Variants in SFSWAP observed in about 807,000 individuals in gnomAD.
SFSWAP encodes the protein splicing factor, suppressor of white-apricot homolog.
A neutral mutation model predicts 100.7 loss-of-function variants in SFSWAP; 17 were observed. The observed-to-expected ratio is 0.17, with a 90% CI of 0.12 to 0.25. The LOEUF (loss-of-function observed/expected upper bound fraction) is 0.25. Among genes scored for constraint, SFSWAP ranks in the 10% least tolerant of loss-of-function variants. SFSWAP has a pLI of 1.00. For synonymous variants in SFSWAP, 504 were observed against 510.1 expected (o/e 0.99, Z 0.16); for missense variants, 1,005 against 1,262.6 (o/e 0.80, Z 3.09).
rs553507544 is a variant in SFSWAP at position 131,733,432 on chromosome 12, C to A, written c.1081+5004C>A. On this transcript the variant is annotated intron_variant, in intron 7 of 17. Coordinates refer to ENST00000261674, the MANE Select transcript of SFSWAP (RefSeq NM_004592.4). The surrounding 1 kb of genome is among the most constrained non-coding windows in gnomAD (Gnocchi z 5.1). ...CATTTGTAGGAGGAAATTTCACGAT[C>A]ATAAAGCACGGCATGCATCCTGAGA... is the stretch of plus-strand genomic sequence containing the variant. 1.4e-4 allele frequency among the ~76,000 whole-genome samples: 22 copies of A among 152,278 alleles called. No individual in the cohort carries two copies. The highest frequency in any genetic ancestry group is 2.9e-4 in the Non-Finnish European group (20 of 68,028).
intron 7 of SFSWAP, among the ~76,000 whole-genome samples, chr12:131,732,641 G>A (rs769957692): frequency 5.3e-5 from 8 of 152,202 alleles, no homozygotes; most frequent in Non-Finnish European, 7.3e-5. Context: ...GTGTGTTCAC[G>A]GAAGTGTTGT....
At chr12:131,732,958 T>C (rs1032323092) in intron 7 of SFSWAP, among the ~76,000 whole-genome samples, 1 of 152,212 alleles carries the variant, frequency 6.6e-6, no homozygotes, top group Non-Finnish European at 1.5e-5. Flanking sequence ...GCGGGGCTAG[T>C]GTCCTTGGAG....
chr12:131,769,533 C>T (rs1024955041), intron 13 of SFSWAP, among the ~76,000 whole-genome samples: 1 of 152,178 alleles, frequency 6.6e-6, no homozygotes, highest in African/African-American at 2.4e-5. Context: ...GCTGTAGTTC[C>T]GCATCACAGC....
intron 9 of SFSWAP, among the ~76,000 whole-genome samples, chr12:131,754,836 TTG>T (rs995504073): frequency 2.6e-5 from 4 of 152,004 alleles, no homozygotes; most frequent in Non-Finnish European, 5.9e-5. Context: ...TTTCACTGTG[TTG>T]GCCAGGCTGG....
Position 131,725,078 on chromosome 12 carries a change from A to G in SFSWAP, c.607-327A>G, listed in dbSNP as rs1878830721. On this transcript the variant is annotated intron_variant, in intron 4 of 17. Coordinates refer to ENST00000261674, the MANE Select transcript of SFSWAP (RefSeq NM_004592.4). This position sits in a 1 kb window ranked among gnomAD's most constrained non-coding sequence, Gnocchi z 4.3. Reference sequence around the variant, plus strand: ...GTGCTTGTTTGTAAAATTCACATGCACAGAGGATTCACAAACCCCCTGAAT... The same window carrying G: ...GTGCTTGTTTGTAAAATTCACATGCGCAGAGGATTCACAAACCCCCTGAAT... 6.6e-6 allele frequency among the ~76,000 whole-genome samples: 1 copy of G among 152,232 alleles called. No homozygotes were observed. Among genetic ancestry groups the G allele is most frequent in the Non-Finnish European group, 1.5e-5 (1 of 68,044 alleles).
intron 15 of SFSWAP, chr12:131,796,877 G>A (rs1885715202): frequency 3.4e-6 from 1 of 292,930 alleles, no homozygotes; most frequent in Non-Finnish European, 6.3e-6. Context: ...AACATAAGTG[G>A]CAAAGCACTA....
At chr12:131,726,270 C>T (rs1052420849) in intron 5 of SFSWAP, among the ~76,000 whole-genome samples, 5 of 152,062 alleles carry the variant, frequency 3.3e-5, no homozygotes, top group East Asian at 1.9e-4. Flanking sequence ...ATGGCGTGAG[C>T]GCGATCTTGG....
chr12:131,726,862 T>G, intron 5 of SFSWAP, 78 bp from the exon 6 acceptor site: 1 of 904,534 alleles, frequency 1.1e-6, no homozygotes, highest in South Asian at 1.4e-5. Flanking sequence ...ACTTGGCTGC[T>G]TCTAAGTTTT....
chr12:131,751,604 C>T (rs113574076), intron 7 of SFSWAP, among the ~76,000 whole-genome samples: 1 of 152,278 alleles, frequency 6.6e-6, no homozygotes, highest in Admixed American at 6.5e-5. Flanking sequence ...GCAGCTCCCC[C>T]CTTCCAGGGA....
At chr12:131,760,915 T>C (rs1882617262) in intron 11 of SFSWAP, among the ~76,000 whole-genome samples, 1 of 151,990 alleles carries the variant, frequency 6.6e-6, no homozygotes, top group Non-Finnish European at 1.5e-5. Flanking sequence ...CTACTAAAAA[T>C]CCAAAAATCA....
chr12:131,765,505 G>A (rs895107324), intron 12 of SFSWAP, among the ~76,000 whole-genome samples: 6 of 152,150 alleles, frequency 3.9e-5, no homozygotes, highest in Admixed American at 6.5e-5. Flanking sequence ...AAAATTAGCC[G>A]GGCGTGGTGG....
intron 7 of SFSWAP, among the ~76,000 whole-genome samples, chr12:131,743,793 G>T (rs974262362): frequency 6.6e-6 from 1 of 152,248 alleles, no homozygotes; most frequent in Non-Finnish European, 1.5e-5. Context: ...TTCTCGATGA[G>T]GGCCCTGCCC....
intron 13 of SFSWAP, among the ~76,000 whole-genome samples, chr12:131,772,657 C>A (rs1198121046): frequency 6.6e-6 from 1 of 152,176 alleles, no homozygotes; most frequent in African/African-American, 2.4e-5. Flanking sequence ...TTACAATGCT[C>A]TTTTAGCTCT....
Position 131,778,346 on chromosome 12 carries a change from G to A in SFSWAP, c.2408+16G>A, listed in dbSNP as rs765451228. ...GGCGGTCGAGGTGGGTGTGAAGGGG[G>A]CAGCACCTCTGGTACCCTCATGACC... On this transcript the variant is annotated intron_variant, in intron 14 of 17. Coordinates refer to ENST00000261674, the MANE Select transcript of SFSWAP (RefSeq NM_004592.4). This position sits in a 1 kb window ranked among gnomAD's most constrained non-coding sequence, Gnocchi z 4.2. 2 of 1,608,196 alleles carry A rather than the reference G, an allele frequency of 1.2e-6. No homozygotes were observed. Among genetic ancestry groups the A allele is most frequent in the South Asian group, 1.1e-5 (1 of 90,798 alleles).
intron 7 of SFSWAP, among the ~76,000 whole-genome samples, chr12:131,739,358 T>G (rs1566018384): frequency 6.6e-6 from 1 of 152,134 alleles, no homozygotes; most frequent in Admixed American, 6.5e-5. Context: ...TATGAGTGCT[T>G]CTTAGTTTTG....
intron 10 of SFSWAP, among the ~76,000 whole-genome samples, chr12:131,755,987 C>G (rs924839419): frequency 4.6e-5 from 7 of 152,244 alleles, no homozygotes; most frequent in South Asian, 2.1e-4. Context: ...CTACAGCCCC[C>G]TCTTCTGCCT....
intron 1 of SFSWAP, chr12:131,712,762 T>C (rs1050982105): frequency 2.0e-5 from 3 of 152,234 alleles, no homozygotes; most frequent in African/African-American, 7.2e-5. Flanking sequence ...ATGGTTTATA[T>C]TGAATGTGTC....
intron 15 of SFSWAP, among the ~76,000 whole-genome samples, chr12:131,787,098 C>T (rs1376113952): frequency 1.3e-5 from 2 of 152,110 alleles, no homozygotes; most frequent in African/African-American, 4.8e-5. Context: ...ACCTCTTGAC[C>T]ACTAAGGAGA....
intron 14 of SFSWAP, among the ~76,000 whole-genome samples, chr12:131,781,790 T>C (rs951590047): frequency 5.9e-5 from 9 of 152,212 alleles, no homozygotes; most frequent in African/African-American, 1.9e-4. Flanking sequence ...TACATACTTC[T>C]AGTTAATTTT....
Sources: gnomAD v4.1 joint callset for allele counts (sites outside exome capture counted in the v4.1 genomes callset) on GRCh38, gnomAD v4.1.1 for gene constraint, Gnocchi (gnomAD v3.1) non-coding constraint, MANE v1.5 for transcripts, NCBI Gene and HGNC (gene_info 2026-07-23, HGNC 2026-07-21) for gene names.